The following ERO1B variants were observed in gnomAD, a reference collection of about 807,000 sequenced individuals.
The protein encoded by ERO1B is ERO1-like protein beta.
Under a neutral mutation model 75.3 loss-of-function variants are expected in ERO1B, and 49 were observed. The ratio of observed to expected loss-of-function variants is 0.65; its 90% CI spans 0.52 to 0.83. The LOEUF (loss-of-function observed/expected upper bound fraction) is 0.83, where lower values mean the gene tolerates loss of function less well. Among genes scored for constraint, ERO1B ranks in the 40% least tolerant of loss-of-function variants. The probability of loss-of-function intolerance (pLI) is 0.00; values close to 1 mark genes in which losing one functional copy is unlikely to be tolerated. For missense variants in ERO1B, 512 were observed against 560.1 expected, an observed-to-expected ratio of 0.91 and a Z score of 0.87; for synonymous variants, 191 against 192.9, an observed-to-expected ratio of 0.99 and a Z score of 0.08.
intron 1 of ERO1B, among the ~76,000 whole-genome samples, chr1:236,273,213 G>C (rs1665636747): frequency 6.6e-6 from 1 of 152,110 alleles, no homozygotes; most frequent in African/African-American, 2.4e-5. Context: ...TGGCTCTGAA[G>C]ATGAAGGAAT....
chr1:236,265,209 C>T lies in ERO1B; in HGVS notation c.222+4666G>A, dbSNP rs80111200. Among the ~76,000 whole-genome samples the T allele has an allele frequency of 6.3e-3, 961 of 152,036 alleles. 10 individuals carry two copies. The highest frequency in any genetic ancestry group is 0.022 in the African/African-American group (918 of 41,452). ...CTCTAGTGTTTCCCCATATGCAAGA[C>T]GTGTTAGCTATGCTGATGTTAGGAC... On this transcript the variant is annotated intron_variant, in intron 2 of 15. Transcript: ENST00000354619.
chr1:236,247,750 T>C (rs1426904353), intron 5 of ERO1B, among the ~76,000 whole-genome samples: 2 of 152,222 alleles, frequency 1.3e-5, no homozygotes, highest in African/African-American at 4.8e-5. Flanking sequence ...TCTGCTACTT[T>C]GCCCTTGATG....
intron 1 of ERO1B, among the ~76,000 whole-genome samples, chr1:236,279,282 TA>T (rs1665770826): frequency 6.9e-6 from 1 of 144,126 alleles, no homozygotes; most frequent in Non-Finnish European, 1.5e-5. Context: ...GCGGGTGGAT[TA>T]CCTATGGTCA....
chr1:236,243,605 G>T, intron 5 of ERO1B, 110 bp from the exon 6 acceptor site: 2 of 641,900 alleles, frequency 3.1e-6, no homozygotes, highest in Non-Finnish European at 5.0e-6. Flanking sequence ...TTAAAGATTA[G>T]ATGATGTCAC....
intron 13 of ERO1B, among the ~76,000 whole-genome samples, chr1:236,223,303 T>C (rs1448904811): frequency 6.6e-6 from 1 of 152,168 alleles, no homozygotes; most frequent in African/African-American, 2.4e-5. Flanking sequence ...GGTCTCACTT[T>C]ATCTGCGGAT....
In ERO1B at chr1:236,237,339, A is replaced by T. The variant is rs185154801; in HGVS notation, c.506-941T>A. On this transcript the variant is annotated intron_variant, in intron 6 of 15. Coordinates refer to ENST00000354619, the MANE Select transcript of ERO1B (RefSeq NM_019891.4). The stretch of plus-strand genomic sequence containing the variant: ...ACTATGTTGGCCAGGCTGGTCTCAA[A>T]CTCCTGACCTCGTGATCCACCTGCC... Among the ~76,000 whole-genome samples the T allele has an allele frequency of 3.3e-5, 5 of 151,414 alleles. No homozygotes were observed. The East Asian group carries it at 7.8e-4, about 23-fold the overall frequency.
intron 1 of ERO1B, among the ~76,000 whole-genome samples, chr1:236,275,146 A>G (rs1381353667): frequency 6.6e-6 from 1 of 152,198 alleles, no homozygotes; most frequent in Non-Finnish European, 1.5e-5. Context: ...ACACCAACCA[A>G]TTCTCCAACT....
At chr1:236,245,603 TG>T (rs1182520643) in intron 5 of ERO1B, among the ~76,000 whole-genome samples, 1 of 63,682 alleles carries the variant, frequency 1.6e-5, no homozygotes, top group African/African-American at 5.1e-5. Context: ...TTTTTTTTTT[TG>T]AGACACAGTT....
Position 236,249,943 on chromosome 1 carries a change from T to C in ERO1B, c.373A>G (p.Lys125Glu). The C allele has an allele frequency of 6.2e-7, 1 of 1,603,036 alleles. No homozygotes were observed. The highest frequency in any genetic ancestry group is 8.5e-7 in the Non-Finnish European group (1 of 1,175,832). Residue 125 changes from lysine (K) to glutamate (E), a missense_variant, in exon 5 of 16, where the codon AAA (lysine) becomes GAA (glutamate). Coordinates refer to ENST00000354619, the MANE Select transcript of ERO1B (RefSeq NM_019891.4). ...NKYLKMANNTKELEDCEQANK... is the reference protein window; with the variant it reads ...NKYLKMANNTEELEDCEQANK... ...GCTTGCTCACAATCTTCTAATTCTT[T>C]GGTATTGTTTGCCATTTTCAAGTAC... is the stretch of plus-strand genomic sequence containing the variant.
At chr1:236,267,142 TA>T (rs1337683028) in intron 2 of ERO1B, among the ~76,000 whole-genome samples, 1 of 152,210 alleles carries the variant, frequency 6.6e-6, no homozygotes, top group African/African-American at 2.4e-5. Context: ...AACTCTTACA[TA>T]AAGTTTGGAA....
intron 11 of ERO1B, 65 bp from the exon 12 acceptor site, chr1:236,226,580 A>G (rs1014610495): frequency 5.6e-6 from 9 of 1,594,888 alleles, no homozygotes; most frequent in Non-Finnish European, 7.7e-6. Flanking sequence ...GCTCTAAAGA[A>G]TATGTATTCT....
rs1665843644 is a variant in ERO1B at position 236,281,820 on chromosome 1, T to G, written c.-37A>C. ...CCCACACCGCGGCCAGCCGGACCCCTCGGGGCCGGGGAACGACGGGCGGCC... is the reference window on the plus strand; with the variant it reads ...CCCACACCGCGGCCAGCCGGACCCCGCGGGGCCGGGGAACGACGGGCGGCC... On this transcript the variant is annotated 5_prime_UTR_variant, in exon 1 of 16. Transcript: ENST00000354619. 7.4e-7 allele frequency: 1 copy of G among 1,349,280 alleles called. No individual in the cohort carries two copies. Among genetic ancestry groups the G allele is most frequent in the Non-Finnish European group, 9.6e-7 (1 of 1,037,000 alleles). The allele number at this position is 1,349,280 out of a possible 1,614,324, so 83.6% of individuals were successfully genotyped here.
chr1:236,268,585 T>C (rs1170821438), intron 2 of ERO1B, among the ~76,000 whole-genome samples: 2 of 152,040 alleles, frequency 1.3e-5, no homozygotes, highest in African/African-American at 4.8e-5. Flanking sequence ...AGACCCTGTC[T>C]CTAAAAAAAG....
intron 6 of ERO1B, among the ~76,000 whole-genome samples, chr1:236,241,064 A>G (rs1664685413): frequency 6.6e-6 from 1 of 152,252 alleles, no homozygotes; most frequent in Non-Finnish European, 1.5e-5. Context: ...TTTAAAAACT[A>G]CTATTTGATC....
chr1:236,231,611 TG>T (rs2102943370), intron 9 of ERO1B, among the ~76,000 whole-genome samples: 1 of 151,674 alleles, frequency 6.6e-6, no homozygotes, highest in Non-Finnish European at 1.5e-5. Flanking sequence ...ATGCACTTCC[TG>T]CGTTACCTAT....
chr1:236,263,628 A>G (rs963664915), intron 2 of ERO1B, among the ~76,000 whole-genome samples: 1 of 152,036 alleles, frequency 6.6e-6, no homozygotes, highest in African/African-American at 2.4e-5. Context: ...GCTACAAAGG[A>G]TATCTTTCCA....
chr1:236,221,328 C>G (rs1405622), intron 14 of ERO1B, among the ~76,000 whole-genome samples: 71,338 of 151,950 alleles, frequency 0.47, 17,468 homozygotes, highest in East Asian at 0.88. Flanking sequence ...TTGATACCCA[C>G]ACTTAATAAT....
chr1:236,267,542 T>C (rs1163243105), intron 2 of ERO1B, among the ~76,000 whole-genome samples: 1 of 152,130 alleles, frequency 6.6e-6, no homozygotes, highest in Non-Finnish European at 1.5e-5. Flanking sequence ...CATAACATTA[T>C]GTAGAGATGT....
chr1:236,252,202 G>C (rs1237999051), intron 3 of ERO1B, 111 bp from the exon 4 acceptor site: 1 of 700,336 alleles, frequency 1.4e-6, no homozygotes, highest in Non-Finnish European at 2.5e-6. Flanking sequence ...TTTACTCTAT[G>C]AGGGGCAAAT....
Sources: gnomAD v4.1 joint callset for allele counts (sites outside exome capture counted in the v4.1 genomes callset) on GRCh38, gnomAD v4.1.1 for gene constraint, MANE v1.5 for transcripts, NCBI Gene and HGNC (gene_info 2026-07-23, HGNC 2026-07-21) for gene names.